ARHGEF37: variants seen among roughly 807,000 people sequenced by gnomAD.
The protein encoded by ARHGEF37 is Rho guanine nucleotide exchange factor (GEF) 37.
A neutral mutation model predicts 71.1 loss-of-function variants in ARHGEF37; 55 were observed. The ratio of observed to expected loss-of-function variants is 0.77; its 90% CI spans 0.62 to 0.97. The LOEUF is 0.97. ARHGEF37 is among the 50% of genes least tolerant of loss of function. ARHGEF37 has a pLI of 0.00. For synonymous variants in ARHGEF37, 327 were observed against 350.6 expected (o/e 0.93, Z 0.75); for missense variants, 765 against 836.8 (o/e 0.91, Z 1.06).
chr5:149,555,254 G>A (rs1258603244), intron 1 of ARHGEF37, among the ~76,000 whole-genome samples: 1 of 151,916 alleles, frequency 6.6e-6, no homozygotes, highest in African/African-American at 2.4e-5. Flanking sequence ...TAGACCTTGA[G>A]GGAAATACAG....
intron 7 of ARHGEF37, 93 bp downstream of exon 7, chr5:149,619,135 A>C (rs1184893017): frequency 2.9e-4 from 308 of 1,059,786 alleles, no homozygotes; most frequent in Middle Eastern, 5.0e-4. Context: ...TGGGAAAGGC[A>C]CCAGCCTCAG....
At chr5:149,585,902 C>T (rs1314421993) in intron 1 of ARHGEF37, among the ~76,000 whole-genome samples, 1 of 152,156 alleles carries the variant, frequency 6.6e-6, no homozygotes, top group Admixed American at 6.5e-5. Flanking sequence ...CCAAGAAGAA[C>T]CAAGAGTTGT....
At position 149,597,911 on chromosome 5, in the gene ARHGEF37, A is replaced by T. The variant is rs762049450; in HGVS notation, c.142A>T (p.Met48Leu). 8 of 1,607,098 alleles carry T rather than the reference A, an allele frequency of 5.0e-6. No individual in the cohort carries two copies. The highest frequency in any genetic ancestry group is 6.8e-6 in the Non-Finnish European group (8 of 1,177,018). ...CGACACTGAGGTCTCCTACTTGCACATGCTCCAGCTCTGTGCCTCTGACAT... is the reference window on the plus strand; with the variant it reads ...CGACACTGAGGTCTCCTACTTGCACTTGCTCCAGCTCTGTGCCTCTGACAT... ...LIDTEVSYLH[M>L]LQLCASDIRS... Residue 48 changes from methionine (M) to leucine (L), a missense_variant, in exon 2 of 13, where the codon ATG becomes TTG. Met to Leu is a conservative substitution (Grantham distance 15). This residue lies in a region of ARHGEF37 where 201 missense variants were observed against 217.5 expected (regional missense o/e 0.92). Coordinates refer to ENST00000333677, the MANE Select transcript of ARHGEF37 (RefSeq NM_001001669.3).
rs1260063341 is a variant in ARHGEF37 at position 149,618,779 on chromosome 5, A to G, written c.790-159A>G. Among the ~76,000 whole-genome samples the G allele has an allele frequency of 3.3e-5, 5 of 152,112 alleles. No individual in the cohort carries two copies. In the East Asian group the frequency reaches 9.6e-4, roughly 29 times the overall value. ...TCCGATTCCATGCTCTGAATGTAAAACCACTGAGCTACACCACCCTCTCAG... is the reference window on the plus strand; with the variant it reads ...TCCGATTCCATGCTCTGAATGTAAAGCCACTGAGCTACACCACCCTCTCAG... On this transcript the variant is annotated intron_variant, in intron 6 of 12. Transcript: ENST00000333677.
At position 149,601,034 on chromosome 5, in the gene ARHGEF37, C is replaced by G. The variant is rs1763739590; in HGVS notation, c.187-74C>G. 3.3e-6 allele frequency: 5 copies of G among 1,521,790 alleles called. No individual in the cohort carries two copies. The South Asian group carries it at 6.0e-5, about 18-fold the overall frequency. 94.3% of individuals were successfully genotyped at this position (1,521,790 alleles called of 1,614,324 possible). A position where few individuals can be genotyped will look rare whatever the true frequency, so the allele number is the denominator to read the frequency against. On this transcript the variant is annotated intron_variant, in intron 2 of 12. Transcript: ENST00000333677. Reference sequence around the variant, plus strand: ...GATGGGAATGGTGTGAGTGTTCTGTCCTACTCTCAAAAGCCTGCAAATACA... The same window carrying G: ...GATGGGAATGGTGTGAGTGTTCTGTGCTACTCTCAAAAGCCTGCAAATACA...
At chr5:149,555,724 C>T (rs978226320) in intron 1 of ARHGEF37, among the ~76,000 whole-genome samples, 4 of 152,116 alleles carry the variant, frequency 2.6e-5, no homozygotes, top group Non-Finnish European at 5.9e-5. Flanking sequence ...GCCACAACTA[C>T]TACCAAAAGA....
At position 149,616,700 on chromosome 5, in the gene ARHGEF37, A is replaced by G; in HGVS notation, c.592A>G (p.Arg198Gly). 6.2e-7 allele frequency: 1 copy of G among 1,613,936 alleles called. No homozygotes were observed. Among genetic ancestry groups the G allele is most frequent in the South Asian group, 1.1e-5 (1 of 91,034 alleles). ...PDASAYPVLQ[R>G]AVSALQDVNT... ...TGCCAGTGCCTATCCTGTCCTTCAG[A>G]GGGCTGTCTCTGCCCTCCAGGACGT... The change falls in exon 5 of 13, where the codon AGG (arginine) becomes GGG (glycine). Residue 198 changes from arginine (R) to glycine (G), a missense_variant. Coordinates refer to ENST00000333677, the MANE Select transcript of ARHGEF37 (RefSeq NM_001001669.3).
At chr5:149,615,167 T>G (rs940629994) in intron 4 of ARHGEF37, among the ~76,000 whole-genome samples, 4 of 152,148 alleles carry the variant, frequency 2.6e-5, no homozygotes, top group African/African-American at 9.7e-5. Flanking sequence ...TTTCACTTTT[T>G]TTAAAAAGAT....
intron 1 of ARHGEF37, among the ~76,000 whole-genome samples, chr5:149,590,473 G>A (rs1490913270): frequency 6.6e-6 from 1 of 151,964 alleles, no homozygotes; most frequent in Non-Finnish European, 1.5e-5. Context: ...GTAGAGACGA[G>A]GGTTCACCAT....
At chr5:149,601,725 A>G (rs962933173) in intron 3 of ARHGEF37, among the ~76,000 whole-genome samples, 3 of 152,208 alleles carry the variant, frequency 2.0e-5, no homozygotes, top group African/African-American at 7.2e-5. Flanking sequence ...AGGCCTCTGG[A>G]GGAGGGAACA....
At chr5:149,585,102 T>A (rs1763196543) in intron 1 of ARHGEF37, among the ~76,000 whole-genome samples, 1 of 152,182 alleles carries the variant, frequency 6.6e-6, no homozygotes, top group East Asian at 1.9e-4. Flanking sequence ...CAGTGAAATA[T>A]CACTTCATAA....
intron 1 of ARHGEF37, among the ~76,000 whole-genome samples, chr5:149,559,800 A>G (rs1359984636): frequency 6.6e-6 from 1 of 152,168 alleles, no homozygotes; most frequent in African/African-American, 2.4e-5. Context: ...CTAAAACTCA[A>G]TACATTTAAT....
At chr5:149,621,636 A>G in intron 8 of ARHGEF37, 97 bp from the exon 9 acceptor site, 1 of 1,155,202 alleles carries the variant, frequency 8.7e-7, no homozygotes. Context: ...TGGGAGTTAG[A>G]CTGGAATCCA....
chr5:149,579,507 C>A (rs556549687), upstream of ARHGEF37, among the ~76,000 whole-genome samples: 2 of 152,224 alleles, frequency 1.3e-5, no homozygotes, highest in South Asian at 4.1e-4. Flanking sequence ...TTTGAAGCAT[C>A]CCTAATAAGC....
At chr5:149,615,285 G>T (rs1752341974) in intron 4 of ARHGEF37, among the ~76,000 whole-genome samples, 1 of 150,490 alleles carries the variant, frequency 6.6e-6, no homozygotes, top group African/African-American at 2.4e-5. Flanking sequence ...CTCCTGAGTA[G>T]CCACCACCAT....
At chr5:149,595,653 A>AT (rs1283804108) in intron 1 of ARHGEF37, among the ~76,000 whole-genome samples, 3 of 151,898 alleles carry the variant, frequency 2.0e-5, no homozygotes, top group African/African-American at 7.3e-5. Flanking sequence ...GCATTCTTAT[A>AT]TTTTTTATTC....
At chr5:149,565,087 A>G (rs939968805) in intron 1 of ARHGEF37, among the ~76,000 whole-genome samples, 12 of 152,228 alleles carry the variant, frequency 7.9e-5, no homozygotes, top group Non-Finnish European at 1.8e-4. Context: ...TTGAGGAGCC[A>G]GGCAAGTGTT....
intron 9 of ARHGEF37, among the ~76,000 whole-genome samples, chr5:149,622,627 T>C (rs773638653): frequency 1.3e-5 from 2 of 152,170 alleles, no homozygotes; most frequent in African/African-American, 2.4e-5. Flanking sequence ...GCCACACGGC[T>C]AATAGCAAGC....
intron 1 of ARHGEF37, among the ~76,000 whole-genome samples, chr5:149,591,677 A>G (rs1289150790): frequency 6.6e-6 from 1 of 152,236 alleles, no homozygotes; most frequent in Non-Finnish European, 1.5e-5. Flanking sequence ...ATGGTGCAAA[A>G]ATGATACACA....
Sources: allele counts gnomAD v4.1 joint callset (sites outside exome capture counted in the v4.1 genomes callset), GRCh38; gene constraint gnomAD v4.1.1; regional missense constraint gnomAD v4.1.1; transcripts MANE v1.5; gene names NCBI Gene and HGNC (gene_info 2026-07-23, HGNC 2026-07-21).